ADGRB3: variants seen among roughly 807,000 people sequenced by gnomAD.
ADGRB3 encodes brain-specific angiogenesis inhibitor 3.
In ADGRB3, 37 loss-of-function variants were observed where a neutral mutation model predicts 193.4. The observed-to-expected ratio is 0.19, with a 90% CI of 0.15 to 0.25. ADGRB3 has a LOEUF of 0.25. Ranked by LOEUF, ADGRB3 falls within the 10% of genes least tolerant of loss-of-function variation. The pLI is 1.00. For synonymous variants in ADGRB3, 690 were observed against 644.2 expected, an observed-to-expected ratio of 1.07 and a Z score of -1.08; for missense variants, 1,637 against 1,852.9, an observed-to-expected ratio of 0.88 and a Z score of 2.14.
intron 3 of ADGRB3, among the ~76,000 whole-genome samples, chr6:68,871,304 T>C (rs1336911308): frequency 6.6e-6 from 1 of 152,206 alleles, no homozygotes; most frequent in Non-Finnish European, 1.5e-5. Context: ...AACATTAACA[T>C]TTTGAGAAGC....
At chr6:68,985,795 C>A (rs938242872) in intron 10 of ADGRB3, among the ~76,000 whole-genome samples, 6 of 151,958 alleles carry the variant, frequency 3.9e-5, no homozygotes, top group African/African-American at 1.5e-4. Context: ...GTGTACAATC[C>A]CTAGAACCAG....
At chr6:68,960,603 G>T (rs1768204858) in intron 8 of ADGRB3, among the ~76,000 whole-genome samples, 1 of 152,170 alleles carries the variant, frequency 6.6e-6, no homozygotes, top group African/African-American at 2.4e-5. Context: ...GAGACCAGGA[G>T]AGTCTTCCTT....
intron 26 of ADGRB3, among the ~76,000 whole-genome samples, chr6:69,348,002 C>T (rs1264335189): frequency 6.6e-6 from 1 of 152,142 alleles, no homozygotes; most frequent in Admixed American, 6.5e-5. Flanking sequence ...CATCCCACTT[C>T]TTAGGCAGGG....
At chr6:68,961,727 A>G (rs769126187) in intron 8 of ADGRB3, among the ~76,000 whole-genome samples, 2 of 152,216 alleles carry the variant, frequency 1.3e-5, no homozygotes, top group Non-Finnish European at 2.9e-5. Context: ...ACACTACTCC[A>G]TAATGAAATA....
chr6:68,940,661 A>T (rs1767616592), intron 5 of ADGRB3, among the ~76,000 whole-genome samples: 1 of 146,136 alleles, frequency 6.8e-6, no homozygotes, highest in African/African-American at 2.5e-5. Flanking sequence ...GCACTTTGGG[A>T]GGCGGAGGCA....
At chr6:68,953,491 A>G (rs986801192) in intron 6 of ADGRB3, among the ~76,000 whole-genome samples, 1 of 152,180 alleles carries the variant, frequency 6.6e-6, no homozygotes, top group Admixed American at 6.5e-5. Context: ...AAGCTCAATA[A>G]ATGTTATCTT....
At chr6:68,744,231 A>G (rs1459012242) in intron 3 of ADGRB3, among the ~76,000 whole-genome samples, 2 of 152,120 alleles carry the variant, frequency 1.3e-5, no homozygotes, top group Non-Finnish European at 2.9e-5. Context: ...ATGAATAAAT[A>G]TATCAAATAA....
At chr6:68,906,342 T>G (rs1766547786) in intron 3 of ADGRB3, among the ~76,000 whole-genome samples, 1 of 151,828 alleles carries the variant, frequency 6.6e-6, no homozygotes, top group Non-Finnish European at 1.5e-5. Flanking sequence ...CCATATATAT[T>G]GAAGGTATAC....
In ADGRB3 at chr6:68,742,178, C is replaced by T. The variant is rs78272736; in HGVS notation, c.757+102746C>T. On this transcript the variant is annotated intron_variant, in intron 3 of 31. Transcript: ENST00000370598. ...AGATAAATTGCTTGTGGTGTTTTCT[C>T]CCCAGTCTTATCACAAGTCATTGCT... Among the ~76,000 whole-genome samples the T allele has an allele frequency of 1.8e-3, 272 of 152,276 alleles. 3 individuals carry two copies. In the East Asian group the frequency reaches 0.048, roughly 27 times the overall value.
At chr6:68,872,924 C>T (rs579588) in intron 3 of ADGRB3, among the ~76,000 whole-genome samples, 47,557 of 151,888 alleles carry the variant, frequency 0.31, 8,077 homozygotes, top group East Asian at 0.59. Flanking sequence ...AGCTCAAACA[C>T]TCTAGGACCA....
At chr6:68,636,141 G>C (rs566433383) in intron 1 of ADGRB3, 141 bp downstream of exon 1, 4 of 152,446 alleles carry the variant, frequency 2.6e-5, no homozygotes, top group Admixed American at 6.5e-5. Flanking sequence ...AGATCCGACT[G>C]TCTGCATTTA....
Position 69,090,842 on chromosome 6 carries a change from A to G in ADGRB3, c.2480+14804A>G, listed in dbSNP as rs1046938311. Among the ~76,000 whole-genome samples, 6 of 152,324 alleles carry G rather than the reference A, an allele frequency of 3.9e-5. No individual in the cohort carries two copies. The East Asian group carries it at 1.2e-3, about 29-fold the overall frequency. ...CCTAATGGTTGCCCCAATCACAGTT[A>G]ATGCTATAGGGGAAATAAGCTTTAC... On this transcript the variant is annotated intron_variant, in intron 17 of 31. Coordinates refer to ENST00000370598, the MANE Select transcript of ADGRB3 (RefSeq NM_001704.3).
intron 8 of ADGRB3, among the ~76,000 whole-genome samples, chr6:68,961,287 T>C (rs115790205): frequency 2.0e-5 from 3 of 152,266 alleles, no homozygotes; most frequent in African/African-American, 7.2e-5. Context: ...AGAAACAACT[T>C]GGGTATCATT....
chr6:68,857,493 T>G (rs1765021150), intron 3 of ADGRB3, among the ~76,000 whole-genome samples: 1 of 152,200 alleles, frequency 6.6e-6, no homozygotes, highest in Non-Finnish European at 1.5e-5. Flanking sequence ...GAGTTGACTG[T>G]CCTGCTGGAT....
At chr6:68,815,191 C>T (rs777924747) in intron 3 of ADGRB3, among the ~76,000 whole-genome samples, 7 of 152,020 alleles carry the variant, frequency 4.6e-5, no homozygotes, top group Admixed American at 3.3e-4. Flanking sequence ...CAGTCCTTCG[C>T]GGCTCCTACT....
At chr6:68,650,329 T>C (rs535016224) in intron 3 of ADGRB3, among the ~76,000 whole-genome samples, 11 of 152,276 alleles carry the variant, frequency 7.2e-5, no homozygotes, top group Admixed American at 2.0e-4. Context: ...TTTCGGTATT[T>C]ATCTGTTGGT....
At chr6:68,752,854 T>C (rs1354810062) in intron 3 of ADGRB3, among the ~76,000 whole-genome samples, 4 of 152,162 alleles carry the variant, frequency 2.6e-5, no homozygotes, top group East Asian at 1.9e-4. Flanking sequence ...ATTTCAGTGA[T>C]GGGAAAAATT....
chr6:68,838,330 C>A (rs868249939), intron 3 of ADGRB3, among the ~76,000 whole-genome samples: 1 of 152,194 alleles, frequency 6.6e-6, no homozygotes, highest in African/African-American at 2.4e-5. Flanking sequence ...CATTTATAAA[C>A]TGTAAAACTC....
rs745590202 is a variant in ADGRB3 at position 68,638,797 on chromosome 6, C to T, written c.122C>T (p.Ser41Leu). 27 of 1,613,960 alleles carry T rather than the reference C, an allele frequency of 1.7e-5. No individual in the cohort carries two copies. Among genetic ancestry groups the T allele is most frequent in the Non-Finnish European group, 2.3e-5 (27 of 1,180,022 alleles). Residue 41 changes from serine (S) to leucine (L), a missense_variant, in exon 3 of 32, where the codon TCG becomes TTG. Around this residue, in one of 7 missense-constraint regions of ADGRB3, gnomAD observed 365 missense variants for 409.8 expected, o/e 0.89. Coordinates refer to ENST00000370598, the MANE Select transcript of ADGRB3 (RefSeq NM_001704.3). ...TTGGTGAAGGGAGTCATTTATGGAT[C>T]GTATTCTGTAAGTGAAATGTTTCCT... Reference protein sequence around the residue: ...STLVKGVIYGSYSVSEMFPKN... With the variant: ...STLVKGVIYGLYSVSEMFPKN...
Sources: gnomAD v4.1 joint callset for allele counts (sites outside exome capture counted in the v4.1 genomes callset) on GRCh38, gnomAD v4.1.1 for gene constraint, gnomAD v4.1.1 regional missense constraint, MANE v1.5 for transcripts, NCBI Gene and HGNC (gene_info 2026-07-23, HGNC 2026-07-21) for gene names.